Variants in PIBF1 observed in about 807,000 individuals in gnomAD.
The protein encoded by PIBF1 is progesterone-induced-blocking factor 1.
A neutral mutation model predicts 112.5 loss-of-function variants in PIBF1; 90 were observed. That is an observed-to-expected ratio of 0.80 (90% CI 0.67 to 0.95). The LOEUF is 0.95. PIBF1 is among the 40% of genes least tolerant of loss of function. PIBF1 has a pLI of 0.00. For missense variants in PIBF1, 915 were observed against 852.3 expected (o/e 1.07, Z -0.92); for synonymous variants, 301 against 288.6 (o/e 1.04, Z -0.44).
chr13:72,923,301 G>C (rs574849581), intron 13 of PIBF1, among the ~76,000 whole-genome samples: 1 of 152,320 alleles, frequency 6.6e-6, no homozygotes, highest in African/African-American at 2.4e-5. Context: ...AATACAGACT[G>C]CCATGGACAG....
intron 14 of PIBF1, among the ~76,000 whole-genome samples, chr13:72,957,968 A>G (rs1482464757): frequency 6.6e-6 from 1 of 151,820 alleles, no homozygotes; most frequent in East Asian, 2.0e-4. Flanking sequence ...GGGGGAAAGA[A>G]AGAAAGAAAA....
intron 6 of PIBF1, among the ~76,000 whole-genome samples, chr13:72,826,045 A>AAG (rs1417006030): frequency 2.0e-5 from 3 of 149,474 alleles, no homozygotes; most frequent in South Asian, 2.1e-4. Flanking sequence ...TCTCATAAAA[A>AAG]AAAAAAAAAA....
intron 10 of PIBF1, among the ~76,000 whole-genome samples, chr13:72,858,344 G>A (rs867357584): frequency 9.9e-5 from 15 of 152,162 alleles, no homozygotes; most frequent in South Asian, 8.3e-4. Context: ...GAGCCACTAC[G>A]CCCAGCCATA....
intron 13 of PIBF1, among the ~76,000 whole-genome samples, chr13:72,917,636 T>C (rs1413350126): frequency 2.0e-5 from 3 of 152,226 alleles, no homozygotes; most frequent in Non-Finnish European, 4.4e-5. Context: ...ACCCACTAGT[T>C]ATCTTGTGAG....
intron 9 of PIBF1, among the ~76,000 whole-genome samples, chr13:72,839,989 G>A (rs899799869): frequency 3.9e-5 from 6 of 152,150 alleles, no homozygotes; most frequent in Non-Finnish European, 8.8e-5. Context: ...ACAGGGCTCA[G>A]AATTGATTGG....
At chr13:72,845,854 A>G (rs2037849462) in intron 9 of PIBF1, among the ~76,000 whole-genome samples, 1 of 151,896 alleles carries the variant, frequency 6.6e-6, no homozygotes, top group Non-Finnish European at 1.5e-5. Context: ...CCCCCATACT[A>G]CTCCAACAAA....
At chr13:72,894,180 A>G (rs2040177512) in intron 11 of PIBF1, among the ~76,000 whole-genome samples, 1 of 152,068 alleles carries the variant, frequency 6.6e-6, no homozygotes, top group African/African-American at 2.4e-5. Context: ...AGCAACCAAA[A>G]ATATATAATG....
chr13:72,873,272 A>C (rs1031199893), intron 10 of PIBF1, among the ~76,000 whole-genome samples: 11 of 152,242 alleles, frequency 7.2e-5, no homozygotes, highest in African/African-American at 2.7e-4. Context: ...ACATACAAAA[A>C]TTAATTTGTA....
intron 16 of PIBF1, among the ~76,000 whole-genome samples, chr13:72,990,843 A>G (rs61966212): frequency 0.21 from 31,638 of 152,214 alleles, 3,388 homozygotes; most frequent in Middle Eastern, 0.27. Flanking sequence ...GCGAGACTCC[A>G]TCTCAAATAA....
chr13:72,882,945 G>C (rs1284035786), intron 10 of PIBF1, among the ~76,000 whole-genome samples: 1 of 152,150 alleles, frequency 6.6e-6, no homozygotes, highest in Non-Finnish European at 1.5e-5. Context: ...CTTGATCAAT[G>C]ATTGCTGGAT....
intron 2 of PIBF1, among the ~76,000 whole-genome samples, chr13:72,791,327 TA>T (rs1239500970): frequency 6.6e-6 from 1 of 152,176 alleles, no homozygotes; most frequent in Non-Finnish European, 1.5e-5. Flanking sequence ...GTGCTGGGAT[TA>T]CAGGTGTGAA....
At chr13:72,978,542 C>CT (rs1196566406) in intron 16 of PIBF1, among the ~76,000 whole-genome samples, 4 of 152,122 alleles carry the variant, frequency 2.6e-5, no homozygotes, top group South Asian at 2.1e-4. Context: ...ATTCCTCTTT[C>CT]TTTTTTTCAT....
At chr13:72,865,943 A>G (rs1736255640) in intron 10 of PIBF1, among the ~76,000 whole-genome samples, 1 of 152,190 alleles carries the variant, frequency 6.6e-6, no homozygotes, top group South Asian at 2.1e-4. Flanking sequence ...TGGCAAAACA[A>G]CAGAAATTTA....
At chr13:72,891,264 C>T (rs770799556) in intron 10 of PIBF1, among the ~76,000 whole-genome samples, 1 of 152,018 alleles carries the variant, frequency 6.6e-6, no homozygotes, top group Non-Finnish European at 1.5e-5. Context: ...CATAAAAAGG[C>T]AAAATTTGCA....
intron 15 of PIBF1, among the ~76,000 whole-genome samples, chr13:72,965,698 C>G (rs911724698): frequency 1.3e-5 from 2 of 152,106 alleles, no homozygotes; most frequent in African/African-American, 4.8e-5. Context: ...CCCTAGAACT[C>G]TTTAGTGTGG....
intron 5 of PIBF1, among the ~76,000 whole-genome samples, chr13:72,816,459 T>C (rs924777784): frequency 6.6e-6 from 1 of 152,050 alleles, no homozygotes; most frequent in Non-Finnish European, 1.5e-5. Context: ...GTCCAGGAGT[T>C]CAAGACTGCT....
intron 16 of PIBF1, among the ~76,000 whole-genome samples, chr13:72,992,419 C>CAA (rs993659603): frequency 2.0e-5 from 3 of 152,210 alleles, no homozygotes; most frequent in African/African-American, 7.2e-5. Flanking sequence ...GAATACTCTA[C>CAA]ATTTTGTCAT....
At chr13:72,938,991 C>T (rs1594235940) in intron 14 of PIBF1, among the ~76,000 whole-genome samples, 2 of 152,204 alleles carry the variant, frequency 1.3e-5, no homozygotes, top group African/African-American at 4.8e-5. Flanking sequence ...CTGTTCGAGT[C>T]ATTTGCCCAC....
intron 16 of PIBF1, among the ~76,000 whole-genome samples, chr13:72,992,158 A>C (rs1206638352): frequency 6.6e-6 from 1 of 152,200 alleles, no homozygotes; most frequent in Non-Finnish European, 1.5e-5. Flanking sequence ...GCATCACTGC[A>C]GTCCAGCCTG....
Sources: allele counts gnomAD v4.1 joint callset (sites outside exome capture counted in the v4.1 genomes callset), GRCh38; gene constraint gnomAD v4.1.1; transcripts MANE v1.5; gene names NCBI Gene and HGNC (gene_info 2026-07-23, HGNC 2026-07-21).